The following CDH12 variants were observed in gnomAD, a reference collection of about 807,000 sequenced individuals.
The protein encoded by CDH12 is cadherin-12.
Under a neutral mutation model 74.1 loss-of-function variants are expected in CDH12, and 41 were observed. The ratio of observed to expected loss-of-function variants is 0.55; its 90% CI spans 0.43 to 0.72. CDH12 has a LOEUF of 0.72. Among genes scored for constraint, CDH12 ranks in the 30% least tolerant of loss-of-function variants. CDH12 has a pLI of 0.00. For synonymous variants in CDH12, 399 were observed against 355.0 expected (o/e 1.12, Z -1.39); for missense variants, 945 against 977.2 (o/e 0.97, Z 0.44).
intron 2 of CDH12, among the ~76,000 whole-genome samples, chr5:22,431,965 TG>T (rs1295040849): frequency 6.6e-6 from 1 of 152,118 alleles, no homozygotes; most frequent in Non-Finnish European, 1.5e-5. Context: ...ATAACTTTGG[TG>T]TTCATCAAGT....
chr5:22,696,370 C>CA (rs1313736569), intron 1 of CDH12, among the ~76,000 whole-genome samples: 57,444 of 96,324 alleles, frequency 0.6, 16,333 homozygotes, highest in Admixed American at 0.69. Context: ...GACTCCGTCT[C>CA]AAAAAAAAAA....
intron 1 of CDH12, among the ~76,000 whole-genome samples, chr5:22,801,486 CA>C (rs1442685970): frequency 2.0e-5 from 3 of 151,702 alleles, no homozygotes; most frequent in Admixed American, 6.6e-5. Flanking sequence ...GATTGCTTTT[CA>C]ATTATCTTTC....
chr5:22,562,406 C>A (rs868829540), intron 1 of CDH12, among the ~76,000 whole-genome samples: 2 of 152,024 alleles, frequency 1.3e-5, no homozygotes, highest in African/African-American at 4.8e-5. Flanking sequence ...TAAAAAAATA[C>A]AAAATGAAAT....
At chr5:21,900,056 C>G (rs1175192639) in intron 6 of CDH12, among the ~76,000 whole-genome samples, 1 of 152,022 alleles carries the variant, frequency 6.6e-6, no homozygotes, top group African/African-American at 2.4e-5. Flanking sequence ...GTTACAGGTA[C>G]TTACAGACCA....
At chr5:22,014,864 C>T (rs4340885) in intron 5 of CDH12, among the ~76,000 whole-genome samples, 5 of 151,454 alleles carry the variant, frequency 3.3e-5, no homozygotes, top group Admixed American at 2.0e-4. Context: ...GAATTTCAGC[C>T]GAAAAAATAA....
intron 1 of CDH12, among the ~76,000 whole-genome samples, chr5:22,784,575 C>G (rs775896851): frequency 3.9e-5 from 6 of 152,130 alleles, no homozygotes; most frequent in Non-Finnish European, 7.4e-5. Context: ...TAAAATTGTT[C>G]TAGTTAAAAC....
intron 6 of CDH12, among the ~76,000 whole-genome samples, chr5:21,916,854 A>G (rs1447254209): frequency 1.3e-5 from 2 of 152,196 alleles, no homozygotes; most frequent in Non-Finnish European, 2.9e-5. Flanking sequence ...GCAAGGCTTC[A>G]TTTTGTTAGC....
intron 1 of CDH12, among the ~76,000 whole-genome samples, chr5:22,780,440 G>T (rs1314337782): frequency 6.6e-6 from 1 of 152,144 alleles, no homozygotes; most frequent in Non-Finnish European, 1.5e-5. Context: ...GCATGGCTAG[G>T]AAGGCCTCAG....
chr5:22,173,636 TG>T (rs1749170258), intron 4 of CDH12, among the ~76,000 whole-genome samples: 1 of 151,650 alleles, frequency 6.6e-6, no homozygotes, highest in Admixed American at 6.6e-5. Context: ...GATGGTATGA[TG>T]TAATTTTTAC....
At chr5:22,140,376 C>A (rs1214741420) in intron 4 of CDH12, among the ~76,000 whole-genome samples, 3 of 151,672 alleles carry the variant, frequency 2.0e-5, no homozygotes, top group Admixed American at 6.6e-5. Context: ...ATAAGTAATG[C>A]CAAAAGAATG....
intron 8 of CDH12, among the ~76,000 whole-genome samples, chr5:21,835,660 C>T (rs1749490198): frequency 6.6e-6 from 1 of 151,532 alleles, no homozygotes; most frequent in Non-Finnish European, 1.5e-5. Context: ...ACTTTGTGGC[C>T]ACATCAAGAT....
intron 1 of CDH12, among the ~76,000 whole-genome samples, chr5:22,830,106 G>A (rs1389891323): frequency 6.6e-6 from 1 of 152,040 alleles, no homozygotes; most frequent in Admixed American, 6.6e-5. Context: ...TCTTCCTCAG[G>A]CGATATCATC....
intron 4 of CDH12, among the ~76,000 whole-genome samples, chr5:22,112,732 T>A (rs950494473): frequency 3.9e-5 from 6 of 152,168 alleles, no homozygotes; most frequent in African/African-American, 1.4e-4. Context: ...CAGGGAGGCA[T>A]AACAGTGTAA....
intron 1 of CDH12, among the ~76,000 whole-genome samples, chr5:22,663,474 T>G (rs1454973975): frequency 1.3e-5 from 2 of 152,190 alleles, no homozygotes; most frequent in East Asian, 3.8e-4. Flanking sequence ...TTGCTGAATA[T>G]TGTTTATCAT....
chr5:22,098,888 G>A (rs1266441310), intron 4 of CDH12, among the ~76,000 whole-genome samples: 1 of 152,146 alleles, frequency 6.6e-6, no homozygotes, highest in Non-Finnish European at 1.5e-5. Context: ...TATAGTACAA[G>A]CCACTAGCCT....
At position 21,842,303 on chromosome 5, in the gene CDH12, G is replaced by A. The variant is rs2149986538; in HGVS notation, c.672C>T (p.Asn224=). 1.2e-6 allele frequency: 2 copies of A among 1,611,378 alleles called. No homozygotes were observed. Among genetic ancestry groups the A allele is most frequent in the South Asian group, 1.1e-5 (1 of 90,584 alleles). Residue 224 remains asparagine (N), a synonymous_variant, in exon 8 of 15, where the codon AAC becomes AAT. Transcript: ENST00000382254. ...ATTGTTCTTTGACTTCTCTGTCCAT[G>A]TTTGGCAAAGCTGTTCTAATAACAC... ...KTGVIRTALP[N]MDREVKEQYQ...
chr5:22,222,837 T>C (rs1221042137), intron 3 of CDH12, among the ~76,000 whole-genome samples: 1 of 151,942 alleles, frequency 6.6e-6, no homozygotes. Context: ...TAAAGCAAGA[T>C]GAGTTAGTAA....
intron 5 of CDH12, among the ~76,000 whole-genome samples, chr5:22,069,836 A>G (rs1483924455): frequency 1.3e-5 from 2 of 152,162 alleles, no homozygotes; most frequent in Non-Finnish European, 2.9e-5. Context: ...ATTAAAGTCA[A>G]TGGAAAACTA....
At chr5:21,870,220 A>G (rs1346971686) in intron 6 of CDH12, among the ~76,000 whole-genome samples, 1 of 152,108 alleles carries the variant, frequency 6.6e-6, no homozygotes, top group Non-Finnish European at 1.5e-5. Flanking sequence ...AGTCTTGGGT[A>G]TGTCTTTATC....
Sources: gnomAD v4.1 joint callset for allele counts (sites outside exome capture counted in the v4.1 genomes callset) on GRCh38, gnomAD v4.1.1 for gene constraint, MANE v1.5 for transcripts, NCBI Gene and HGNC (gene_info 2026-07-23, HGNC 2026-07-21) for gene names.